PACRG: variants seen among roughly 807,000 people sequenced by gnomAD.
The protein encoded by PACRG is parkin coregulated gene protein.
Under a neutral mutation model 29.7 loss-of-function variants are expected in PACRG, and 29 were observed. The ratio of observed to expected loss-of-function variants is 0.98; its 90% CI spans 0.73 to 1.33. The LOEUF is 1.33. PACRG is among the 40% of genes most tolerant of loss of function. The probability of loss-of-function intolerance (pLI) is 0.00; values close to 1 mark genes in which losing one functional copy is unlikely to be tolerated. For synonymous variants in PACRG, 116 were observed against 118.7 expected, an observed-to-expected ratio of 0.98 and a Z score of 0.15; for missense variants, 279 against 316.2, an observed-to-expected ratio of 0.88 and a Z score of 0.89.
intron 2 of PACRG, among the ~76,000 whole-genome samples, chr6:162,933,231 T>C (rs1396384110): frequency 6.6e-6 from 1 of 152,166 alleles, no homozygotes; most frequent in East Asian, 1.9e-4. Context: ...GGACTTTCAT[T>C]TCTTGAAATG....
At chr6:162,851,385 C>T (rs538914631) in intron 2 of PACRG, among the ~76,000 whole-genome samples, 8 of 152,342 alleles carry the variant, frequency 5.3e-5, no homozygotes, top group African/African-American at 1.9e-4. Flanking sequence ...TTCAAAATAA[C>T]TCATTCACAT....
At chr6:162,956,885 T>G (rs1047088338) in intron 2 of PACRG, among the ~76,000 whole-genome samples, 4 of 152,196 alleles carry the variant, frequency 2.6e-5, no homozygotes, top group South Asian at 2.1e-4. Context: ...AGGGACACAG[T>G]GTAACCTATT....
At chr6:163,136,140 G>A (rs908751069) in intron 4 of PACRG, among the ~76,000 whole-genome samples, 3 of 151,982 alleles carry the variant, frequency 2.0e-5, no homozygotes, top group Non-Finnish European at 4.4e-5. Flanking sequence ...TTGTGATTTC[G>A]GATTTTTGTA....
chr6:163,154,580 C>T (rs1056487033), intron 4 of PACRG, among the ~76,000 whole-genome samples: 2 of 152,140 alleles, frequency 1.3e-5, no homozygotes, highest in Non-Finnish European at 2.9e-5. Flanking sequence ...CCATTCTGTG[C>T]CTAGATGTTG....
At chr6:163,291,275 G>T (rs1211541956) in intron 4 of PACRG, among the ~76,000 whole-genome samples, 1 of 129,958 alleles carries the variant, frequency 7.7e-6, no homozygotes, top group East Asian at 2.3e-4. Flanking sequence ...CCCTCTGCCC[G>T]CCAGAGCTGG....
intron 2 of PACRG, among the ~76,000 whole-genome samples, chr6:163,020,714 C>G (rs987039728): frequency 6.6e-6 from 1 of 151,432 alleles, no homozygotes; most frequent in Admixed American, 6.6e-5. Flanking sequence ...TTTTTTTCCT[C>G]CTTTCTATGT....
At position 162,973,054 on chromosome 6, in the gene PACRG, G is replaced by GGA. The variant is rs1562793314; in HGVS notation, c.292-89096_292-89095insGA. Among the ~76,000 whole-genome samples the GGA allele has an allele frequency of 1.1e-4, 16 of 152,326 alleles. No homozygotes were observed. In the South Asian group the frequency reaches 3.3e-3, roughly 32 times the overall value. On this transcript the variant is annotated intron_variant, in intron 2 of 4. Transcript: ENST00000366888. Reference sequence around the variant, plus strand: ...CATGGAGAAACTTACTTTTAAAACTGTAACATCAGTAAAGAAAAAAATGTA... The same window carrying GGA: ...CATGGAGAAACTTACTTTTAAAACTGGATAACATCAGTAAAGAAAAAAATGTA...
intron 4 of PACRG, among the ~76,000 whole-genome samples, chr6:163,297,902 C>A (rs1004691230): frequency 5.4e-4 from 82 of 152,234 alleles, no homozygotes; most frequent in Non-Finnish European, 1.0e-3. Context: ...CTGTATATGA[C>A]CATCAATTCA....
At chr6:162,947,600 AT>A (rs1799264971) in intron 2 of PACRG, among the ~76,000 whole-genome samples, 1 of 74,576 alleles carries the variant, frequency 1.3e-5, no homozygotes, top group African/African-American at 4.6e-5. Context: ...ATAATCATAT[AT>A]ATATATAATC....
chr6:162,869,974 T>C (rs1224739910), intron 2 of PACRG, among the ~76,000 whole-genome samples: 1 of 152,188 alleles, frequency 6.6e-6, no homozygotes, highest in African/African-American at 2.4e-5. Context: ...TATGGTTTTA[T>C]AAAAAGGAGG....
At chr6:163,037,741 G>GCA (rs140450249) in intron 2 of PACRG, among the ~76,000 whole-genome samples, 2 of 151,698 alleles carry the variant, frequency 1.3e-5, no homozygotes, top group Non-Finnish European at 1.5e-5. Context: ...GCACATGCAT[G>GCA]CACACACACA....
At chr6:162,734,413 G>A (rs80080435) in intron 1 of PACRG, among the ~76,000 whole-genome samples, 8,645 of 151,972 alleles carry the variant, frequency 0.057, 316 homozygotes, top group Middle Eastern at 0.12. Flanking sequence ...TAAATGGCCA[G>A]AGAATTGTTA....
In PACRG at chr6:163,314,947, A is replaced by G; in HGVS notation, c.734A>G (p.Lys245Arg). The G allele has an allele frequency of 6.2e-7, 1 of 1,614,206 alleles. No homozygotes were observed. The highest frequency in any genetic ancestry group is 8.5e-7 in the Non-Finnish European group (1 of 1,180,034). Residue 245 changes from lysine (K) to arginine (R), a missense_variant, in exon 5 of 5, where the codon AAG becomes AGG. Coordinates refer to ENST00000366888, the MANE Select transcript of PACRG (RefSeq NM_001080379.2). The stretch of plus-strand genomic sequence containing the variant: ...GGAGAAAATGCCTTTATCAACATTA[A>G]GTACGTGGTCCCAACCTACGAGTCT... ...YGGENAFINI[K>R]YVVPTYESCL... is the part of the protein sequence containing the mutation.
intron 4 of PACRG, among the ~76,000 whole-genome samples, chr6:163,175,212 C>T (rs1350115898): frequency 3.9e-5 from 6 of 152,128 alleles, no homozygotes; most frequent in Admixed American, 6.5e-5. Flanking sequence ...ATCTGCCCTC[C>T]TAAGATAATT....
At chr6:163,176,923 G>A (rs1779390214) in intron 4 of PACRG, among the ~76,000 whole-genome samples, 1 of 152,170 alleles carries the variant, frequency 6.6e-6, no homozygotes, top group African/African-American at 2.4e-5. Context: ...AGCTGTCGTT[G>A]AATACTGACA....
chr6:163,120,719 T>C (rs1816228421), intron 4 of PACRG, among the ~76,000 whole-genome samples: 1 of 152,188 alleles, frequency 6.6e-6, no homozygotes. Flanking sequence ...TTCTGTATAA[T>C]ACTCATTTTA....
rs969352891 is a variant in PACRG, at chr6:162,892,899, C to G, written c.291+78618C>G. 2.8e-5 allele frequency among the ~76,000 whole-genome samples: 4 copies of G among 141,222 alleles called. No homozygotes were observed. In the East Asian group the frequency reaches 9.5e-4, roughly 34 times the overall value. The allele number at this position is 141,222 out of a possible 152,430, so 92.6% of individuals were successfully genotyped here. On this transcript the variant is annotated intron_variant, in intron 2 of 4. Coordinates refer to ENST00000366888, the MANE Select transcript of PACRG (RefSeq NM_001080379.2). ...TCAGCCTCAGGAGCCTCGGCCCACA[C>G]CCCAGAGAACCACCTCAGCCTCAGG...
chr6:162,855,223 G>A (rs1489256295), intron 2 of PACRG, among the ~76,000 whole-genome samples: 1 of 152,186 alleles, frequency 6.6e-6, no homozygotes, highest in Admixed American at 6.5e-5. Flanking sequence ...ATTAGGTGGA[G>A]GAGTGCCTGT....
chr6:163,309,344 GAGTC>G (rs1163986350), intron 4 of PACRG, among the ~76,000 whole-genome samples: 1 of 152,236 alleles, frequency 6.6e-6, no homozygotes, highest in Non-Finnish European at 1.5e-5. Flanking sequence ...TGCGTGGAGA[GAGTC>G]AGTCTGCCTG....
Sources: allele counts gnomAD v4.1 joint callset (sites outside exome capture counted in the v4.1 genomes callset), GRCh38; gene constraint gnomAD v4.1.1; transcripts MANE v1.5; gene names NCBI Gene and HGNC (gene_info 2026-07-23, HGNC 2026-07-21).